SPATA6L: variants seen among roughly 807,000 people sequenced by gnomAD.
SPATA6L encodes spermatogenesis associated 6-like protein.
A neutral mutation model predicts 49.2 loss-of-function variants in SPATA6L; 68 were observed. The ratio of observed to expected loss-of-function variants is 1.38; its 90% CI spans 1.14 to 1.69. The LOEUF (loss-of-function observed/expected upper bound fraction) is 1.69, where lower values mean the gene tolerates loss of function less well. Ranked by LOEUF, SPATA6L falls within the 40% of genes most tolerant of loss-of-function variation. SPATA6L has a pLI of 0.00. For synonymous variants in SPATA6L, 198 were observed against 165.7 expected, an observed-to-expected ratio of 1.19 and a Z score of -1.50; for missense variants, 668 against 464.3, an observed-to-expected ratio of 1.44 and a Z score of -4.03.
At position 4,661,981 on chromosome 9, in the gene SPATA6L, T is replaced by C; in HGVS notation, c.95A>G (p.Tyr32Cys). The change falls in exon 2 of 12, where the codon TAC (tyrosine) becomes TGC (cysteine). Residue 32 changes from tyrosine to cysteine, a missense_variant. Physicochemically the swap from Tyr to Cys is radical, Grantham distance 194 (BLOSUM62 -2). Coordinates refer to ENST00000682582, the MANE Select transcript of SPATA6L (RefSeq NM_001353486.2). ...GGTCTCCAGGTACTGATTCATGAGG[T>C]AGACCCCGAGGTACACATCTTGTTT... ...PGKQDVYLGV[Y>C]LMNQYLETNS... The C allele has an allele frequency of 6.2e-7, 1 of 1,614,074 alleles. No homozygotes were observed. Among genetic ancestry groups the C allele is most frequent in the African/African-American group, 1.3e-5 (1 of 75,022 alleles).
intron 3 of SPATA6L, chr9:4,646,490 G>C (rs1281940627): frequency 6.6e-7 from 1 of 1,517,628 alleles, no homozygotes; most frequent in African/African-American, 1.4e-5. Context: ...ACATTACCTG[G>C]AGGAACTAGC....
At position 4,604,200 on chromosome 9, in the gene SPATA6L, G is replaced by A; in HGVS notation, c.1159C>T (p.His387Tyr). Residue 387 changes from histidine (H) to tyrosine (Y), a missense_variant, in exon 11 of 12, where the codon CAT becomes TAT. Transcript: ENST00000682582. ...GTACCTTAAAAATATCTCTGTTCAT[G>A]CAGTGAGTATTTCTTCAGAGGGTAG... is the stretch of plus-strand genomic sequence containing the variant. ...PSYPLKKYSL[H>Y]EQRYF 2 of 1,610,840 alleles carry A rather than the reference G, an allele frequency of 1.2e-6. No individual in the cohort carries two copies. Among genetic ancestry groups the A allele is most frequent in the Non-Finnish European group, 1.7e-6 (2 of 1,177,700 alleles).
chr9:4,615,364 TTGAG>T (rs1827732574), intron 9 of SPATA6L, among the ~76,000 whole-genome samples: 1 of 152,190 alleles, frequency 6.6e-6, no homozygotes, highest in African/African-American at 2.4e-5. Context: ...GCCTAGCAGA[TTGAG>T]TATCATTCCT....
In SPATA6L at chr9:4,662,993, C is replaced by T; in HGVS notation, c.40-957G>A. 1 of 1,612,788 alleles carries T rather than the reference C, an allele frequency of 6.2e-7. No homozygotes were observed. The highest frequency in any genetic ancestry group is 8.5e-7 in the Non-Finnish European group (1 of 1,179,764). On this transcript the variant is annotated intron_variant, in intron 1 of 11. Coordinates refer to ENST00000682582, the MANE Select transcript of SPATA6L (RefSeq NM_001353486.2). The surrounding 1 kb of genome is among the most constrained non-coding windows in gnomAD (Gnocchi z 4.9). ...ACATGTTTGTCACTCTCTCGGTGGA[C>T]AAGTACTCCTTCCCCTCGGGCCATG... is the stretch of plus-strand genomic sequence containing the variant.
downstream of SPATA6L, among the ~76,000 whole-genome samples, chr9:4,594,388 T>A (rs866651216): frequency 6.6e-6 from 1 of 152,066 alleles, no homozygotes; most frequent in Non-Finnish European, 1.5e-5. Flanking sequence ...TTTTTTTGTA[T>A]TTTTTAGTAG....
At chr9:4,620,077 T>C (rs1828925306) in intron 7 of SPATA6L, among the ~76,000 whole-genome samples, 1 of 152,120 alleles carries the variant, frequency 6.6e-6, no homozygotes, top group African/African-American at 2.4e-5. Flanking sequence ...TCATATCCTT[T>C]GGGCATATAC....
downstream of SPATA6L, among the ~76,000 whole-genome samples, chr9:4,595,921 T>G (rs1396607264): frequency 2.0e-5 from 3 of 152,224 alleles, no homozygotes; most frequent in East Asian, 5.8e-4. Context: ...CAGCTTTATG[T>G]GGGCCACAGA....
In SPATA6L at chr9:4,622,440, T is replaced by A. The variant is rs779841387; in HGVS notation, c.740A>T (p.Lys247Met). The part of the protein sequence containing the change: ...HHLRRSRRKS[K>M]FSDFPFPTRR... ...CGTTGGAAACGGAAAGTCTGAAAAC[T>A]TAGATTTTCTTCTAGACCTCCTCAA... The change falls in exon 7 of 12, where the codon AAG becomes ATG. Residue 247 changes from lysine (K) to methionine (M), a missense_variant. Physicochemically the swap from Lys to Met is moderately conservative, Grantham distance 95 (BLOSUM62 -1). Transcript: ENST00000682582. The A allele has an allele frequency of 6.2e-7, 1 of 1,613,784 alleles. No individual in the cohort carries two copies. Among genetic ancestry groups the A allele is most frequent in the South Asian group, 1.1e-5 (1 of 91,068 alleles).
At chr9:4,622,340 A>G (rs1444565682) in intron 7 of SPATA6L, 68 bp downstream of exon 7, 4 of 919,228 alleles carry the variant, frequency 4.4e-6, no homozygotes, top group African/African-American at 3.3e-5. Flanking sequence ...CCTCAGAATG[A>G]AAGAGTATAC....
At chr9:4,663,114 G>A (rs1321905653) in intron 1 of SPATA6L, 1 of 1,613,930 alleles carries the variant, frequency 6.2e-7, no homozygotes, top group African/African-American at 1.3e-5. Flanking sequence ...CTTCGTCTTG[G>A]GCCTATCCAG....
rs1442870568 is a variant in SPATA6L at position 4,598,603 on chromosome 9, TA to T, written c.*2207del. On this transcript the variant is annotated 3_prime_UTR_variant, in exon 12 of 12. Transcript: ENST00000682582. ...TAAGAATGGGCATTTAAGATCTTATTAAAGAGTTATGCTTAAACCATTTCAA... is the reference window on the plus strand; with the variant it reads ...TAAGAATGGGCATTTAAGATCTTATTAAGAGTTATGCTTAAACCATTTCAA... Among the ~76,000 whole-genome samples, 1 of 152,198 alleles carries T rather than the reference TA, an allele frequency of 6.6e-6. No homozygotes were observed. The highest frequency in any genetic ancestry group is 1.5e-5 in the Non-Finnish European group (1 of 68,028).
chr9:4,652,541 C>G (rs1564309556), intron 3 of SPATA6L, among the ~76,000 whole-genome samples: 1 of 151,976 alleles, frequency 6.6e-6, no homozygotes. Context: ...CTGAAAATTA[C>G]AAAACATCAT....
At chr9:4,612,683 G>C (rs376817466) in intron 9 of SPATA6L, among the ~76,000 whole-genome samples, 25 of 152,328 alleles carry the variant, frequency 1.6e-4, no homozygotes, top group East Asian at 1.5e-3. Context: ...ATTGAGCTGA[G>C]ACTCTTTGTT....
chr9:4,655,368 A>C (rs1837887835), intron 3 of SPATA6L, among the ~76,000 whole-genome samples: 1 of 152,244 alleles, frequency 6.6e-6, no homozygotes, highest in Admixed American at 6.5e-5. Flanking sequence ...ATTAGTGGTT[A>C]CCTATAGCTA....
rs1332085804 is a variant in SPATA6L at position 4,644,683 on chromosome 9, TCTCACACACA to T, written c.227-9294_227-9285del. 7.6e-4 allele frequency among the ~76,000 whole-genome samples: 104 copies of T among 136,420 alleles called. 1 individual carries two copies. Among genetic ancestry groups the T allele is most frequent in the Admixed American group, 2.4e-3 (33 of 13,942 alleles). 89.5% of individuals were successfully genotyped at this position (136,420 alleles called of 152,430 possible). On this transcript the variant is annotated intron_variant, in intron 3 of 11. Transcript: ENST00000682582. ...TTCTCTCTCTCTCTCTCTCTCTCTC[TCTCACACACA>T]CACACACACACACACACACACACAC...
downstream of SPATA6L, among the ~76,000 whole-genome samples, chr9:4,593,402 C>T (rs1485849578): frequency 6.6e-6 from 1 of 152,110 alleles, no homozygotes; most frequent in African/African-American, 2.4e-5. Flanking sequence ...CATTGTATCC[C>T]TCCCTTATAT....
rs904859466 is a variant in SPATA6L at position 4,622,563 on chromosome 9, C to G, written c.670-53G>C. 4.0e-6 allele frequency: 5 copies of G among 1,235,626 alleles called. No individual in the cohort carries two copies. In the African/African-American group the frequency reaches 7.5e-5, roughly 19 times the overall value. 76.5% of individuals were successfully genotyped at this position (1,235,626 alleles called of 1,614,324 possible). On this transcript the variant is annotated intron_variant, in intron 6 of 11. Transcript: ENST00000682582. ...AGAATCCACTATAGCTTCTAGTACC[C>G]TCCCCTCGTTACCGGAATGCCTGTC...
At chr9:4,597,218 C>T (rs141486619), downstream of SPATA6L, among the ~76,000 whole-genome samples, 380 of 151,784 alleles carry the variant, frequency 2.5e-3, 1 homozygote, top group African/African-American at 8.6e-3. Context: ...TTTGGGAGGC[C>T]GAGGCGGCAG....
At chr9:4,651,432 T>C (rs1348764188) in intron 3 of SPATA6L, among the ~76,000 whole-genome samples, 1 of 152,044 alleles carries the variant, frequency 6.6e-6, no homozygotes, top group Non-Finnish European at 1.5e-5. Flanking sequence ...CCTTAAGAAT[T>C]AACACCAATT....
Sources: gnomAD v4.1 joint callset for allele counts (sites outside exome capture counted in the v4.1 genomes callset) on GRCh38, gnomAD v4.1.1 for gene constraint, Gnocchi (gnomAD v3.1) non-coding constraint, MANE v1.5 for transcripts, NCBI Gene and HGNC (gene_info 2026-07-23, HGNC 2026-07-21) for gene names.